The following PRLR variants were observed in gnomAD, a reference collection of about 807,000 sequenced individuals.
PRLR encodes hPRL receptor.
PRLR carries 13 observed loss-of-function variants against 40.2 expected under a neutral mutation model. The observed-to-expected ratio is 0.32, with a 90% CI of 0.21 to 0.51. The LOEUF (loss-of-function observed/expected upper bound fraction) is 0.51. Ranked by LOEUF, PRLR falls within the 20% of genes least tolerant of loss-of-function variation. PRLR has a pLI of 0.97. For missense variants in PRLR, 656 were observed against 747.3 expected (o/e 0.88, Z 1.42); for synonymous variants, 269 against 278.7 (o/e 0.97, Z 0.35).
In PRLR at chr5:35,057,898, AG is replaced by A. The variant is rs947742470; in HGVS notation, c.*7190del. ...TCAAATAAGGAAAAGGGTTATTTCT[AG>A]GGGGGTTACAGAAGTCAATTTGTAA... On this transcript the variant is annotated 3_prime_UTR_variant, in exon 10 of 10. Transcript: ENST00000618457. 3.3e-5 allele frequency: 5 copies of A among 152,118 alleles called. No individual in the cohort carries two copies. Among genetic ancestry groups the A allele is most frequent in the African/African-American group, 1.2e-4 (5 of 41,436 alleles). The allele number at this position is 152,118 out of a possible 1,614,324, so 9.4% of individuals were successfully genotyped here.
intron 1 of PRLR, among the ~76,000 whole-genome samples, chr5:35,183,663 A>T (rs1051520974): frequency 1.3e-5 from 2 of 152,144 alleles, no homozygotes; most frequent in African/African-American, 4.8e-5. Context: ...TTTTCCCTTC[A>T]GTTCACACTG....
chr5:35,220,396 G>A (rs562588375), intron 1 of PRLR, among the ~76,000 whole-genome samples: 5 of 152,110 alleles, frequency 3.3e-5, no homozygotes, highest in Admixed American at 6.5e-5. Flanking sequence ...GCCAGCTCTC[G>A]GCATGCTTTT....
At chr5:35,208,517 C>T (rs1776081335) in intron 1 of PRLR, among the ~76,000 whole-genome samples, 1 of 152,116 alleles carries the variant, frequency 6.6e-6, no homozygotes, top group Non-Finnish European at 1.5e-5. Context: ...CCTCTTGTGT[C>T]TCGCTTAGTG....
chr5:35,151,545 GC>G (rs1195592161), intron 1 of PRLR, among the ~76,000 whole-genome samples: 3 of 152,018 alleles, frequency 2.0e-5, no homozygotes, highest in Non-Finnish European at 4.4e-5. Context: ...GATCTGGGTG[GC>G]AAAAGTGATG....
intron 1 of PRLR, among the ~76,000 whole-genome samples, chr5:35,184,803 T>C (rs984080696): frequency 2.0e-5 from 3 of 152,210 alleles, no homozygotes; most frequent in Non-Finnish European, 4.4e-5. Context: ...ATCTTTCAAA[T>C]AACACAAGTA....
chr5:35,164,880 A>T (rs535628575), intron 1 of PRLR, among the ~76,000 whole-genome samples: 71 of 152,284 alleles, frequency 4.7e-4, no homozygotes, highest in Non-Finnish European at 4.7e-4. Context: ...TTTCAGGGAT[A>T]AGATTTGCTA....
chr5:35,126,968 C>T (rs970351695), intron 1 of PRLR, among the ~76,000 whole-genome samples: 9 of 152,194 alleles, frequency 5.9e-5, no homozygotes, highest in African/African-American at 2.2e-4. Flanking sequence ...GTAGAGCCTT[C>T]AGTCGGCCTC....
At chr5:35,088,137 C>G (rs1317658875) in intron 3 of PRLR, among the ~76,000 whole-genome samples, 1 of 152,192 alleles carries the variant, frequency 6.6e-6, no homozygotes, top group African/African-American at 2.4e-5. Flanking sequence ...GAATGGCATG[C>G]TGTGGGACAC....
chr5:35,101,360 T>C (rs1561298062), intron 2 of PRLR, among the ~76,000 whole-genome samples: 1 of 152,196 alleles, frequency 6.6e-6, no homozygotes, highest in Admixed American at 6.5e-5. Flanking sequence ...AAGGGATAGG[T>C]TCTGAGACCT....
intron 1 of PRLR, among the ~76,000 whole-genome samples, chr5:35,179,390 C>T (rs779123736): frequency 6.6e-6 from 1 of 152,132 alleles, no homozygotes; most frequent in African/African-American, 2.4e-5. Flanking sequence ...TTCATCCATG[C>T]TGTAATTTTT....
intron 1 of PRLR, among the ~76,000 whole-genome samples, chr5:35,179,088 A>G (rs1331279803): frequency 6.6e-6 from 1 of 152,090 alleles, no homozygotes; most frequent in Non-Finnish European, 1.5e-5. Flanking sequence ...CCTATCCCTC[A>G]CAGAATCCCA....
At chr5:35,054,144 A>C (rs566141219), downstream of PRLR, among the ~76,000 whole-genome samples, 2 of 152,254 alleles carry the variant, frequency 1.3e-5, no homozygotes, top group African/African-American at 2.4e-5. Flanking sequence ...AAACATTAAA[A>C]TATCTGACTG....
chr5:35,220,472 T>C (rs1194174334), intron 1 of PRLR, among the ~76,000 whole-genome samples: 1 of 152,230 alleles, frequency 6.6e-6, no homozygotes, highest in Non-Finnish European at 1.5e-5. Context: ...TACAAGCTAT[T>C]GAAAGCAGCC....
chr5:35,095,787 T>A (rs16871786), intron 2 of PRLR, among the ~76,000 whole-genome samples: 3,505 of 152,316 alleles, frequency 0.023, 138 homozygotes, highest in African/African-American at 0.079. Context: ...GAGGTACCCA[T>A]TGGGGAAAAC....
intron 1 of PRLR, among the ~76,000 whole-genome samples, chr5:35,209,446 TA>T (rs74383180): frequency 0.098 from 14,820 of 151,718 alleles, 928 homozygotes; most frequent in Non-Finnish European, 0.13. Context: ...TCAACAAAAA[TA>T]AAAAAAAGCC....
chr5:35,160,451 G>A (rs1216602474), intron 1 of PRLR, among the ~76,000 whole-genome samples: 2 of 152,192 alleles, frequency 1.3e-5, no homozygotes, highest in East Asian at 3.9e-4. Flanking sequence ...CTCCTGGGCT[G>A]AGGCCAAGAT....
At chr5:35,199,753 T>C (rs1460112382) in intron 1 of PRLR, among the ~76,000 whole-genome samples, 4 of 152,224 alleles carry the variant, frequency 2.6e-5, no homozygotes, top group South Asian at 4.1e-4. Context: ...TAATAATTTA[T>C]ATATTTCAAT....
In PRLR at chr5:35,106,306, A is replaced by T. The variant is rs550954194; in HGVS notation, c.-44+11755T>A. Among the ~76,000 whole-genome samples, 69 of 152,372 alleles carry T rather than the reference A, an allele frequency of 4.5e-4. 2 individuals carry two copies. The South Asian group carries it at 0.014, about 32-fold the overall frequency. On this transcript the variant is annotated intron_variant, in intron 2 of 9. Transcript: ENST00000618457. ...TGTAAAGACCATCAAGGCTAGGAAGAAACTGCATCAACTAATAAGCAAAAT... is the reference window on the plus strand; with the variant it reads ...TGTAAAGACCATCAAGGCTAGGAAGTAACTGCATCAACTAATAAGCAAAAT...
At chr5:35,144,357 T>C (rs921000117) in intron 1 of PRLR, among the ~76,000 whole-genome samples, 3 of 152,130 alleles carry the variant, frequency 2.0e-5, no homozygotes, top group Admixed American at 6.5e-5. Flanking sequence ...CAGGTAAACA[T>C]AGAGAAGAAT....
Sources: gnomAD v4.1 joint callset for allele counts (sites outside exome capture counted in the v4.1 genomes callset) on GRCh38, gnomAD v4.1.1 for gene constraint, MANE v1.5 for transcripts, NCBI Gene and HGNC (gene_info 2026-07-23, HGNC 2026-07-21) for gene names.